The following AP3S1 variants were observed in gnomAD, a reference collection of about 807,000 sequenced individuals.
AP3S1 encodes AP-3 complex subunit sigma-1.
In AP3S1, 12 loss-of-function variants were observed where a neutral mutation model predicts 21.3. The ratio of observed to expected loss-of-function variants is 0.56; its 90% CI spans 0.36 to 0.91. AP3S1 has a LOEUF of 0.91. Among genes scored for constraint, AP3S1 ranks in the 40% least tolerant of loss-of-function variants. The pLI is 0.01. For missense variants in AP3S1, 116 were observed against 225.0 expected, an observed-to-expected ratio of 0.52 and a Z score of 3.10; for synonymous variants, 48 against 78.4, an observed-to-expected ratio of 0.61 and a Z score of 2.05.
chr5:115,848,985 A>AC (rs1762254205), intron 1 of AP3S1, among the ~76,000 whole-genome samples: 1 of 152,196 alleles, frequency 6.6e-6, no homozygotes, highest in Non-Finnish European at 1.5e-5. Context: ...TAGGCCTCTG[A>AC]CTAGGCCTTC....
At chr5:115,860,703 C>G (rs960139121) in intron 1 of AP3S1, among the ~76,000 whole-genome samples, 2 of 152,146 alleles carry the variant, frequency 1.3e-5, no homozygotes, top group Non-Finnish European at 1.5e-5. Context: ...TAAACACTTT[C>G]AAGATTTTGT....
chr5:115,842,172 G>C lies in AP3S1; in HGVS notation c.69+66G>C, dbSNP rs1761627119. 4 of 1,510,950 alleles carry C rather than the reference G, an allele frequency of 2.6e-6. No individual in the cohort carries two copies. The East Asian group carries it at 8.2e-5, about 31-fold the overall frequency. 93.6% of individuals were successfully genotyped at this position (1,510,950 alleles called of 1,614,324 possible). Reference sequence around the variant, plus strand: ...GTTGGCGACGGGCAGCGCCCAGCGCGGCTTTCTCAGAGCGACCCCCTCCGG... The same window carrying C: ...GTTGGCGACGGGCAGCGCCCAGCGCCGCTTTCTCAGAGCGACCCCCTCCGG... On this transcript the variant is annotated intron_variant, in intron 1 of 5. Transcript: ENST00000316788.
intron 3 of AP3S1, among the ~76,000 whole-genome samples, chr5:115,872,096 T>C (rs922202503): frequency 6.6e-6 from 1 of 152,076 alleles, no homozygotes; most frequent in African/African-American, 2.4e-5. Flanking sequence ...AGCAGATCAC[T>C]TGAGCCCAGG....
At chr5:115,900,552 G>A (rs529792887) in intron 4 of AP3S1, among the ~76,000 whole-genome samples, 17 of 152,232 alleles carry the variant, frequency 1.1e-4, no homozygotes, top group African/African-American at 3.9e-4. Flanking sequence ...TTTTGTTGGC[G>A]ATGGTATATA....
rs201423548 is a variant in AP3S1, at chr5:115,902,926, A to G, written c.387A>G (p.Val129=). 72 of 1,613,676 alleles carry G rather than the reference A, an allele frequency of 4.5e-5. No individual in the cohort carries two copies. The highest frequency in any genetic ancestry group is 3.3e-5 in the Admixed American group (2 of 60,010). The change falls in exon 5 of 6, where the codon GTA becomes GTG. Residue 129 remains valine (V), a synonymous_variant. Transcript: ENST00000316788. ...CAGAAATGGTGATGGGGGGAATGGT[A>G]TTGGAGACAAATATGAATGAGATTG... ...ILAEMVMGGM[V]LETNMNEIVT...
At chr5:115,855,512 G>A (rs777162710) in intron 1 of AP3S1, among the ~76,000 whole-genome samples, 3 of 151,806 alleles carry the variant, frequency 2.0e-5, no homozygotes, top group African/African-American at 4.8e-5. Context: ...GCTAATTTTT[G>A]TATTTTTTGT....
At chr5:115,903,799 TG>T (rs1196038502) in intron 5 of AP3S1, 1 of 152,200 alleles carries the variant, frequency 6.6e-6, no homozygotes, top group Non-Finnish European at 1.5e-5. Flanking sequence ...CACATTATTT[TG>T]GTTGTTTATT....
rs143906261 is a variant in AP3S1 at position 115,888,721 on chromosome 5, A to G, written c.274-6366A>G. 7.4e-3 allele frequency among the ~76,000 whole-genome samples: 1,128 copies of G among 152,112 alleles called. 23 individuals carry two copies. The highest frequency in any genetic ancestry group is 0.026 in the African/African-American group (1,071 of 41,520). On this transcript the variant is annotated intron_variant, in intron 3 of 5. Coordinates refer to ENST00000316788, the MANE Select transcript of AP3S1 (RefSeq NM_001284.4). ...ATTACAGTGTCTTGGTAGTTGTGGC[A>G]TGTAGTTATCTTCCTTTTATATCAG...
intron 3 of AP3S1, among the ~76,000 whole-genome samples, chr5:115,877,074 T>C (rs1748786109): frequency 6.6e-6 from 1 of 152,216 alleles, no homozygotes; most frequent in Admixed American, 6.5e-5. Flanking sequence ...TTGATCATTC[T>C]TACCTAAAAG....
At chr5:115,889,304 A>T (rs1750073361) in intron 3 of AP3S1, among the ~76,000 whole-genome samples, 1 of 152,214 alleles carries the variant, frequency 6.6e-6, no homozygotes, top group East Asian at 1.9e-4. Flanking sequence ...AAATTAAGAA[A>T]GAAAAAATAA....
At chr5:115,910,666 C>T (rs141663894) in intron 5 of AP3S1, among the ~76,000 whole-genome samples, 5 of 152,160 alleles carry the variant, frequency 3.3e-5, no homozygotes, top group Non-Finnish European at 2.9e-5. Flanking sequence ...GTTTTATAGC[C>T]ATTCTGGTGT....
chr5:115,859,086 C>G (rs1361973853), intron 1 of AP3S1, among the ~76,000 whole-genome samples: 2 of 152,130 alleles, frequency 1.3e-5, no homozygotes, highest in African/African-American at 4.8e-5. Context: ...CCTTGACTGA[C>G]TGCTCCTTTC....
chr5:115,871,479 A>G (rs1331497174), intron 3 of AP3S1, among the ~76,000 whole-genome samples: 2 of 152,180 alleles, frequency 1.3e-5, no homozygotes, highest in African/African-American at 4.8e-5. Context: ...TCTAAACTGT[A>G]ACCCCTCCAT....
At chr5:115,884,682 CTTAAGTAT>C (rs1442202327) in intron 3 of AP3S1, among the ~76,000 whole-genome samples, 1 of 152,192 alleles carries the variant, frequency 6.6e-6, no homozygotes, top group African/African-American at 2.4e-5. Flanking sequence ...TTTTTTAAGG[CTTAAGTAT>C]TTAAATATCA....
rs532825641 is a variant in AP3S1 at position 115,897,295 on chromosome 5, C to T, written c.345+2137C>T. Among the ~76,000 whole-genome samples, 18 of 152,152 alleles carry T rather than the reference C, an allele frequency of 1.2e-4. No individual in the cohort carries two copies. The South Asian group carries it at 3.3e-3, about 28-fold the overall frequency. On this transcript the variant is annotated intron_variant, in intron 4 of 5. Transcript: ENST00000316788. ...ACAACACTATATCACTATTTTAGAA[C>T]CTGCCAAAATTAGCTGTCTCTCTTT...
intron 1 of AP3S1, among the ~76,000 whole-genome samples, chr5:115,848,763 T>C (rs538895031): frequency 7.2e-5 from 11 of 152,220 alleles, no homozygotes; most frequent in Admixed American, 5.9e-4. Context: ...TGTATAAAAC[T>C]GTCACATTAG....
chr5:115,902,051 G>A (rs1290928402), intron 4 of AP3S1, among the ~76,000 whole-genome samples: 2 of 152,110 alleles, frequency 1.3e-5, no homozygotes, highest in Non-Finnish European at 2.9e-5. Context: ...TCGTAAATAA[G>A]GTAACAGACT....
chr5:115,853,741 C>G (rs1762608270), intron 1 of AP3S1, among the ~76,000 whole-genome samples: 1 of 152,146 alleles, frequency 6.6e-6, no homozygotes, highest in African/African-American at 2.4e-5. Context: ...TGCCTTGGTA[C>G]TTTACTCCAA....
At chr5:115,866,343 A>G (rs186566352) in intron 1 of AP3S1, among the ~76,000 whole-genome samples, 12 of 152,336 alleles carry the variant, frequency 7.9e-5, no homozygotes, top group Admixed American at 2.0e-4. Context: ...ACTCATTTGT[A>G]AGATAATCAG....
Sources: gnomAD v4.1 joint callset for allele counts (sites outside exome capture counted in the v4.1 genomes callset) on GRCh38, gnomAD v4.1.1 for gene constraint, MANE v1.5 for transcripts, NCBI Gene and HGNC (gene_info 2026-07-23, HGNC 2026-07-21) for gene names.